The following GALNTL6 variants were observed in gnomAD, a reference collection of about 807,000 sequenced individuals.
GALNTL6 encodes the protein polypeptide N-acetylgalactosaminyltransferase like 6.
A neutral mutation model predicts 73.7 loss-of-function variants in GALNTL6; 46 were observed. The ratio of observed to expected loss-of-function variants is 0.62; its 90% CI spans 0.49 to 0.80. The LOEUF is 0.80. Ranked by LOEUF, GALNTL6 falls within the 30% of genes least tolerant of loss-of-function variation. The pLI is 0.00. For missense variants in GALNTL6, 604 were observed against 755.0 expected (o/e 0.80, Z 2.34); for synonymous variants, 259 against 263.7 (o/e 0.98, Z 0.17).
chr4:172,039,469 G>A (rs576552959), intron 2 of GALNTL6, among the ~76,000 whole-genome samples: 2 of 152,162 alleles, frequency 1.3e-5, no homozygotes, highest in African/African-American at 2.4e-5. Context: ...TATTTTGCCA[G>A]AAGCATTGGC....
intron 10 of GALNTL6, among the ~76,000 whole-genome samples, chr4:172,963,411 T>A (rs2610215): frequency 6.6e-6 from 1 of 152,032 alleles, no homozygotes; most frequent in Non-Finnish European, 1.5e-5. Context: ...TAACAAGCCA[T>A]GTAATTTATT....
At chr4:172,423,354 T>G (rs1731115642) in intron 5 of GALNTL6, among the ~76,000 whole-genome samples, 4 of 152,036 alleles carry the variant, frequency 2.6e-5, no homozygotes, top group Admixed American at 2.6e-4. Context: ...CCATTTGGCA[T>G]TACCTAATTT....
At chr4:172,820,696 G>T (rs1037512869) in intron 7 of GALNTL6, among the ~76,000 whole-genome samples, 2 of 152,150 alleles carry the variant, frequency 1.3e-5, no homozygotes, top group African/African-American at 4.8e-5. Context: ...GGAGAACTTT[G>T]TTCATTCCCT....
At chr4:171,869,896 G>A (rs1653572684) in intron 2 of GALNTL6, among the ~76,000 whole-genome samples, 3 of 152,086 alleles carry the variant, frequency 2.0e-5, no homozygotes. Flanking sequence ...CAGCCACATG[G>A]AACTACGAGT....
At chr4:172,825,518 C>G (rs1250224933) in intron 7 of GALNTL6, among the ~76,000 whole-genome samples, 1 of 152,154 alleles carries the variant, frequency 6.6e-6, no homozygotes, top group African/African-American at 2.4e-5. Flanking sequence ...AGACTCTGCC[C>G]AGATCCTGCT....
At chr4:172,774,338 A>G (rs928633976) in intron 5 of GALNTL6, among the ~76,000 whole-genome samples, 4 of 152,204 alleles carry the variant, frequency 2.6e-5, no homozygotes, top group African/African-American at 9.6e-5. Context: ...GAGCCACTTA[A>G]TACTATCCCT....
At chr4:172,539,840 T>C (rs569170802) in intron 5 of GALNTL6, among the ~76,000 whole-genome samples, 10 of 147,072 alleles carry the variant, frequency 6.8e-5, no homozygotes, top group African/African-American at 2.5e-4. Flanking sequence ...CACATATATA[T>C]ATGAGATTTC....
chr4:172,496,659 G>A (rs1734082311), intron 5 of GALNTL6, among the ~76,000 whole-genome samples: 1 of 152,068 alleles, frequency 6.6e-6, no homozygotes, highest in African/African-American at 2.4e-5. Context: ...CTCCAGCCTG[G>A]GCAACAGAGT....
chr4:171,904,307 A>T (rs1199891669), intron 2 of GALNTL6, among the ~76,000 whole-genome samples: 1 of 152,164 alleles, frequency 6.6e-6, no homozygotes, highest in African/African-American at 2.4e-5. Context: ...AAAGGAGCTG[A>T]TGGAGCTGAA....
chr4:172,753,721 T>A (rs1451264353), intron 5 of GALNTL6, among the ~76,000 whole-genome samples: 2 of 152,218 alleles, frequency 1.3e-5, no homozygotes, highest in African/African-American at 4.8e-5. Flanking sequence ...TAATAATTTG[T>A]CATCAAAATA....
intron 2 of GALNTL6, among the ~76,000 whole-genome samples, chr4:171,847,988 A>G (rs1735419816): frequency 6.6e-6 from 1 of 152,156 alleles, no homozygotes; most frequent in African/African-American, 2.4e-5. Flanking sequence ...AAGCTCTTCA[A>G]TTTACATGAC....
chr4:172,523,301 CA>C (rs1561120956), intron 5 of GALNTL6, among the ~76,000 whole-genome samples: 1 of 152,190 alleles, frequency 6.6e-6, no homozygotes, highest in Non-Finnish European at 1.5e-5. Flanking sequence ...TGTCTTTCCC[CA>C]GGCTCCCCAA....
intron 2 of GALNTL6, among the ~76,000 whole-genome samples, chr4:171,909,693 T>C (rs1013344296): frequency 2.6e-5 from 4 of 152,144 alleles, no homozygotes; most frequent in Non-Finnish European, 5.9e-5. Flanking sequence ...GAATAGGAAG[T>C]CTAGCAATTA....
intron 2 of GALNTL6, among the ~76,000 whole-genome samples, chr4:171,848,863 C>CT (rs796647791): frequency 3.3e-5 from 5 of 152,130 alleles, no homozygotes; most frequent in African/African-American, 1.2e-4. Flanking sequence ...GACTTCTTTG[C>CT]TTTTTTACCA....
chr4:172,756,798 T>A (rs1737781697), intron 5 of GALNTL6, among the ~76,000 whole-genome samples: 2 of 152,176 alleles, frequency 1.3e-5, no homozygotes, highest in African/African-American at 4.8e-5. Context: ...AATATAAGGT[T>A]GACTTCTCTG....
At chr4:172,725,031 GGTTTTTTTCAA>G (rs1735715910) in intron 5 of GALNTL6, among the ~76,000 whole-genome samples, 1 of 151,918 alleles carries the variant, frequency 6.6e-6, no homozygotes, top group Non-Finnish European at 1.5e-5. Context: ...AAATTTTCTG[GGTTTTTTTCAA>G]GTATTTTTCC....
intron 5 of GALNTL6, among the ~76,000 whole-genome samples, chr4:172,405,431 ATATATATATATATTTTTTTTTTTTT>A (rs1295084862): frequency 0.026 from 110 of 4,310 alleles, 4 homozygotes; most frequent in East Asian, 0.18. Flanking sequence ...ATATATATAT[ATATATATATATATTTTTTTTTTTTT>A]TTTTTTTTTT....
intron 5 of GALNTL6, among the ~76,000 whole-genome samples, chr4:172,549,819 C>T (rs1214375288): frequency 1.3e-5 from 2 of 152,112 alleles, no homozygotes; most frequent in Non-Finnish European, 2.9e-5. Flanking sequence ...CCTTTCTTAC[C>T]TTCCACCCCT....
At chr4:171,992,810 A>G (rs1740378421) in intron 2 of GALNTL6, among the ~76,000 whole-genome samples, 1 of 152,074 alleles carries the variant, frequency 6.6e-6, no homozygotes, top group Non-Finnish European at 1.5e-5. Flanking sequence ...ATAAATAATG[A>G]CCTTTCCTAA....
Sources: gnomAD v4.1 joint callset for allele counts (sites outside exome capture counted in the v4.1 genomes callset) on GRCh38, gnomAD v4.1.1 for gene constraint, MANE v1.5 for transcripts, NCBI Gene and HGNC (gene_info 2026-07-23, HGNC 2026-07-21) for gene names.